The following PCDH9 variants were observed in gnomAD, a reference collection of about 807,000 sequenced individuals.
PCDH9 encodes the protein protocadherin 9.
Under a neutral mutation model 70.6 loss-of-function variants are expected in PCDH9, and 24 were observed. The observed-to-expected ratio is 0.34, with a 90% CI of 0.25 to 0.48. The LOEUF (loss-of-function observed/expected upper bound fraction) is 0.48, where lower values mean the gene tolerates loss of function less well. PCDH9 is among the 20% of genes least tolerant of loss of function. The pLI is 0.99. For synonymous variants in PCDH9, 562 were observed against 558.5 expected, an observed-to-expected ratio of 1.01 and a Z score of -0.09; for missense variants, 1,281 against 1,503.6, an observed-to-expected ratio of 0.85 and a Z score of 2.45.
Position 66,795,582 on chromosome 13 carries a change from T to A in PCDH9, c.3138+107922A>T, listed in dbSNP as rs903505614. On this transcript the variant is annotated intron_variant, in intron 3 of 4. Coordinates refer to ENST00000377865, the MANE Select transcript of PCDH9 (RefSeq NM_203487.3). The stretch of plus-strand genomic sequence containing the variant: ...TATGATGCTTCCTGATTAGGAGTAG[T>A]ATTTTTATGCCTGTTTTTATTTTGG... Among the ~76,000 whole-genome samples, 9 of 152,312 alleles carry A rather than the reference T, an allele frequency of 5.9e-5. No homozygotes were observed. The South Asian group carries it at 1.9e-3, about 32-fold the overall frequency.
intron 2 of PCDH9, chr13:67,218,814 A>G (rs2089663405): frequency 6.6e-6 from 1 of 151,998 alleles, no homozygotes; most frequent in Non-Finnish European, 1.5e-5. Flanking sequence ...TCAATCAAAT[A>G]TTCCTCAAAG....
At chr13:67,034,431 G>A (rs541565057) in intron 2 of PCDH9, among the ~76,000 whole-genome samples, 1 of 152,042 alleles carries the variant, frequency 6.6e-6, no homozygotes, top group Non-Finnish European at 1.5e-5. Flanking sequence ...TCATGCCTAC[G>A]CCATTCATAC....
intron 3 of PCDH9, among the ~76,000 whole-genome samples, chr13:66,737,368 C>A (rs1334377297): frequency 6.6e-6 from 1 of 152,194 alleles, no homozygotes; most frequent in Non-Finnish European, 1.5e-5. Flanking sequence ...TTCTCAATAT[C>A]TCTTTCAGAA....
In PCDH9 at chr13:66,631,405, G is replaced by T. The variant is rs776798396; in HGVS notation, c.3145C>A (p.Arg1049Ser). The change falls in exon 4 of 5, where the codon CGC (arginine) becomes AGC (serine). Residue 1049 changes from arginine (R) to serine (S), a missense_variant. Transcript: ENST00000377865. ...TCAGGGAGATGAAACGTAACACGGC[G>T]CTGCGACTACAAAGAAGACCACAGG... ...ENEESHYESQ[R>S]RVTFHLPDGS... 4.4e-6 allele frequency: 7 copies of T among 1,599,916 alleles called. No homozygotes were observed. The highest frequency in any genetic ancestry group is 1.1e-5 in the South Asian group (1 of 90,768).
chr13:66,505,714 C>T (rs1031663660), intron 4 of PCDH9, among the ~76,000 whole-genome samples: 9 of 152,146 alleles, frequency 5.9e-5, no homozygotes, highest in African/African-American at 2.2e-4. Context: ...GAGAACAGCA[C>T]AGGAAAGACC....
At chr13:66,646,575 A>G (rs1485119035) in intron 3 of PCDH9, among the ~76,000 whole-genome samples, 3 of 152,138 alleles carry the variant, frequency 2.0e-5, no homozygotes, top group Non-Finnish European at 4.4e-5. Flanking sequence ...ACTTGACTTC[A>G]TTTTTCTTAA....
At chr13:66,527,734 T>G (rs1960276700) in intron 4 of PCDH9, among the ~76,000 whole-genome samples, 1 of 152,086 alleles carries the variant, frequency 6.6e-6, no homozygotes, top group Non-Finnish European at 1.5e-5. Flanking sequence ...AGATAAATTA[T>G]CAGCCGGGCA....
At chr13:66,459,861 C>G (rs936532134) in intron 4 of PCDH9, among the ~76,000 whole-genome samples, 6 of 151,884 alleles carry the variant, frequency 4.0e-5, no homozygotes, top group Non-Finnish European at 7.4e-5. Flanking sequence ...TTATGTAAAT[C>G]ATACACAGCT....
At chr13:66,843,195 T>A (rs1356640084) in intron 3 of PCDH9, among the ~76,000 whole-genome samples, 1 of 152,210 alleles carries the variant, frequency 6.6e-6, no homozygotes, top group Admixed American at 6.5e-5. Flanking sequence ...CTTTGAGATT[T>A]AAGTGGTTGT....
intron 2 of PCDH9, among the ~76,000 whole-genome samples, chr13:67,087,567 G>A (rs1362902175): frequency 6.6e-6 from 1 of 151,966 alleles, no homozygotes; most frequent in Non-Finnish European, 1.5e-5. Context: ...CTCCATGAAC[G>A]GCAGCACATT....
At chr13:66,934,767 C>A (rs1480362300) in intron 2 of PCDH9, among the ~76,000 whole-genome samples, 2 of 104,002 alleles carry the variant, frequency 1.9e-5, no homozygotes, top group African/African-American at 3.7e-5. Context: ...GTCGCCCAGG[C>A]TGGAGTGCAG....
At chr13:66,319,313 A>G (rs554493844) in intron 4 of PCDH9, among the ~76,000 whole-genome samples, 1 of 152,234 alleles carries the variant, frequency 6.6e-6, no homozygotes, top group African/African-American at 2.4e-5. Context: ...TTGGGTGGGG[A>G]CTCAGAGCCA....
chr13:66,722,155 C>A (rs976426597), intron 3 of PCDH9, among the ~76,000 whole-genome samples: 1 of 152,088 alleles, frequency 6.6e-6, no homozygotes, highest in Non-Finnish European at 1.5e-5. Context: ...TGTGAATGGC[C>A]TCATAATATT....
intron 3 of PCDH9, among the ~76,000 whole-genome samples, chr13:66,659,045 A>T (rs977354337): frequency 1.3e-5 from 2 of 152,202 alleles, no homozygotes; most frequent in Non-Finnish European, 2.9e-5. Context: ...TACTTTCTCC[A>T]TTGCAAAAAA....
intron 3 of PCDH9, among the ~76,000 whole-genome samples, chr13:66,636,854 ATG>A (rs2077644873): frequency 6.6e-6 from 1 of 152,232 alleles, no homozygotes; most frequent in East Asian, 1.9e-4. Flanking sequence ...ATATTCAAAC[ATG>A]TTTTTGCTAT....
At chr13:66,513,068 C>A (rs1396528288) in intron 4 of PCDH9, among the ~76,000 whole-genome samples, 6 of 152,104 alleles carry the variant, frequency 3.9e-5, no homozygotes, top group Non-Finnish European at 8.8e-5. Context: ...ATCCACCTGC[C>A]TGGACCCCCA....
At chr13:66,372,951 C>T (rs942226921) in intron 4 of PCDH9, among the ~76,000 whole-genome samples, 11 of 151,860 alleles carry the variant, frequency 7.2e-5, no homozygotes, top group Admixed American at 7.2e-4. Flanking sequence ...AAACTTATTA[C>T]ACAATCTAGC....
At chr13:66,487,746 A>G (rs767124960) in intron 4 of PCDH9, among the ~76,000 whole-genome samples, 1 of 152,176 alleles carries the variant, frequency 6.6e-6, no homozygotes, top group Non-Finnish European at 1.5e-5. Flanking sequence ...AACATACCTG[A>G]AAGTTTCCCC....
intron 3 of PCDH9, among the ~76,000 whole-genome samples, chr13:66,673,311 C>G (rs1011039117): frequency 2.0e-5 from 3 of 152,104 alleles, no homozygotes; most frequent in African/African-American, 7.2e-5. Context: ...ATAAGACACG[C>G]CTTTGCTCCT....
Sources: gnomAD v4.1 joint callset for allele counts (sites outside exome capture counted in the v4.1 genomes callset) on GRCh38, gnomAD v4.1.1 for gene constraint, MANE v1.5 for transcripts, NCBI Gene and HGNC (gene_info 2026-07-23, HGNC 2026-07-21) for gene names.